GRM2: variants seen among roughly 807,000 people sequenced by gnomAD.
GRM2 encodes the protein glutamate metabotropic receptor 2, also known as metabotropic glutamate receptor 2.
GRM2 carries 35 observed loss-of-function variants against 60.4 expected under a neutral mutation model. The observed-to-expected ratio is 0.58, with a 90% CI of 0.44 to 0.77. GRM2 has a LOEUF of 0.77. Ranked by LOEUF, GRM2 falls within the 30% of genes least tolerant of loss-of-function variation. The probability of loss-of-function intolerance (pLI) is 0.00; values close to 1 mark genes in which losing one functional copy is unlikely to be tolerated. For synonymous variants in GRM2, 437 were observed against 484.1 expected (o/e 0.90, Z 1.28); for missense variants, 925 against 1,199.5 (o/e 0.77, Z 3.38).
chr3:51,708,487 G>C (rs1423056039), intron 1 of GRM2: 1 of 154,292 alleles, frequency 6.5e-6, no homozygotes, highest in Admixed American at 6.4e-5. Context: ...TGTTCCAAAG[G>C]TATTGACCTC....
Position 51,709,297 on chromosome 3 carries a change from T to C in GRM2, c.314T>C (p.Phe105Ser). Reference protein sequence around the residue: ...DTHALEQALDFVRASLSRGAD... With the variant: ...DTHALEQALDSVRASLSRGAD... ...CATGCGCTGGAGCAGGCACTGGACT[T>C]TGTGCGTGCCTCACTCAGCCGTGGT... Residue 105 changes from phenylalanine (F) to serine (S), a missense_variant, in exon 2 of 6, where the codon TTT becomes TCT. Coordinates refer to ENST00000395052, the MANE Select transcript of GRM2 (RefSeq NM_000839.5). The C allele has an allele frequency of 6.2e-7, 1 of 1,603,558 alleles. No homozygotes were observed. The highest frequency in any genetic ancestry group is 8.5e-7 in the Non-Finnish European group (1 of 1,172,398).
Position 51,718,468 on chromosome 3 carries a change from C to G in GRM2, c.*356C>G, listed in dbSNP as rs1338019036. ...GTGCTTCCAGCCCAGCCCCTCCCCC[C>G]AACTAGGGCCTTTTTTATTTTTTAT... On this transcript the variant is annotated 3_prime_UTR_variant, in exon 6 of 6. Transcript: ENST00000395052. The surrounding 1 kb of genome is among the most constrained non-coding windows in gnomAD (Gnocchi z 4.2). 2 of 254,588 alleles carry G rather than the reference C, an allele frequency of 7.9e-6. No homozygotes were observed. Among genetic ancestry groups the G allele is most frequent in the Non-Finnish European group, 7.5e-6 (1 of 133,324 alleles). 15.8% of individuals were successfully genotyped at this position (254,588 alleles called of 1,614,324 possible). A position where few individuals can be genotyped will look rare whatever the true frequency, so the allele number is the denominator to read the frequency against.
chr3:51,709,306 C>A lies in GRM2; in HGVS notation c.323C>A (p.Ala108Asp). The change falls in exon 2 of 6, where the codon GCC becomes GAC. Residue 108 changes from alanine (A) to aspartate (D), a missense_variant. Physicochemically the swap from Ala to Asp is moderately radical, Grantham distance 126 (BLOSUM62 -2). Transcript: ENST00000395052. ...GAGCAGGCACTGGACTTTGTGCGTG[C>A]CTCACTCAGCCGTGGTGCTGATGGC... ...ALEQALDFVRASLSRGADGSR... is the reference protein window; with the variant it reads ...ALEQALDFVRDSLSRGADGSR... 6 of 1,603,016 alleles carry A rather than the reference C, an allele frequency of 3.7e-6. No homozygotes were observed. Among genetic ancestry groups the A allele is most frequent in the Non-Finnish European group, 5.1e-6 (6 of 1,171,936 alleles).
chr3:51,709,218 C>G lies in GRM2; in HGVS notation c.235C>G (p.Leu79Val), dbSNP rs764369500. Reference sequence around the variant, plus strand: ...CCGCATCAACCGTGACCCGCACCTGCTGCCTGGCGTGCGCCTGGGTGCACA... The same window carrying G: ...CCGCATCAACCGTGACCCGCACCTGGTGCCTGGCGTGCGCCTGGGTGCACA... ...LDRINRDPHLLPGVRLGAHIL... is the reference protein window; with the variant it reads ...LDRINRDPHLVPGVRLGAHIL... The change falls in exon 2 of 6, where the codon CTG (leucine) becomes GTG (valine). Residue 79 changes from leucine (L) to valine (V), a missense_variant. Coordinates refer to ENST00000395052, the MANE Select transcript of GRM2 (RefSeq NM_000839.5). 6.2e-7 allele frequency: 1 copy of G among 1,609,646 alleles called. No individual in the cohort carries two copies. Among genetic ancestry groups the G allele is most frequent in the East Asian group, 2.2e-5 (1 of 44,772 alleles).
At chr3:51,709,778 C>A (rs181991006) in intron 2 of GRM2, among the ~76,000 whole-genome samples, 2 of 7,182 alleles carry the variant, frequency 2.8e-4, no homozygotes, top group Non-Finnish European at 6.8e-4. Flanking sequence ...CACACGCACC[C>A]CACACACCCA....
At position 51,713,044 on chromosome 3, in the gene GRM2, G is replaced by A. The variant is rs755817901; in HGVS notation, c.1022G>A (p.Arg341Gln). 1.7e-5 allele frequency: 28 copies of A among 1,613,134 alleles called. No homozygotes were observed. Among genetic ancestry groups the A allele is most frequent in the Middle Eastern group, 3.3e-4 (2 of 6,084 alleles). ...AGCCTGGACCCTTGGAACAACAGCC[G>A]GAACCCCTGGTTCCGTGAATTCTGG... ...FQSLDPWNNS[R>Q]NPWFREFWEQ... Residue 341 changes from arginine to glutamine, a missense_variant, in exon 3 of 6, where the codon CGG (arginine) becomes CAG (glutamine). Arg to Gln is a conservative substitution (Grantham distance 43). Coordinates refer to ENST00000395052, the MANE Select transcript of GRM2 (RefSeq NM_000839.5). This position sits in a 1 kb window ranked among gnomAD's most constrained non-coding sequence, Gnocchi z 4.8.
chr3:51,713,488 G>A lies in GRM2; in HGVS notation c.1288+178G>A, dbSNP rs1703798318. On this transcript the variant is annotated intron_variant, in intron 3 of 5. Transcript: ENST00000395052. This position sits in a 1 kb window ranked among gnomAD's most constrained non-coding sequence, Gnocchi z 4.8. ...CAGAGAGGACTCCAACTGAAGCTAC[G>A]GCTGAGGTTCCACTTTCTTCCAGAG... 3.2e-5 allele frequency: 19 copies of A among 594,620 alleles called. No individual in the cohort carries two copies. The South Asian group carries it at 3.4e-4, about 11-fold the overall frequency. The allele number at this position is 594,620 out of a possible 1,614,324, so 36.8% of individuals were successfully genotyped here.
chr3:51,709,737 G>C (rs1459596835), intron 2 of GRM2, among the ~76,000 whole-genome samples: 1 of 84 alleles, frequency 0.012, no homozygotes, highest in Non-Finnish European at 0.019. Context: ...ACACACACCC[G>C]ACACACCCAC....
At position 51,716,126 on chromosome 3, in the gene GRM2, A is replaced by T; in HGVS notation, c.2353A>T (p.Ser785Cys). ...CCTGCCCATCTTCTATGTCACCTCC[A>T]GTGACTACCGGGTGAGCTACCTGCC... ...AFLPIFYVTS[S>C]DYRVQTTTMC... Residue 785 changes from serine to cysteine, a missense_variant, in exon 4 of 6, where the codon AGT becomes TGT. Transcript: ENST00000395052. The surrounding 1 kb of genome is among the most constrained non-coding windows in gnomAD (Gnocchi z 4.0). 6.2e-7 allele frequency: 1 copy of T among 1,606,314 alleles called. No individual in the cohort carries two copies.
Position 51,712,562 on chromosome 3 carries a change from C to T in GRM2, c.540C>T (p.Tyr180=), listed in dbSNP as rs1417478884. The T allele has an allele frequency of 1.2e-6, 2 of 1,614,186 alleles. No homozygotes were observed. Among genetic ancestry groups the T allele is most frequent in the Non-Finnish European group, 8.5e-7 (1 of 1,180,034 alleles). The change falls in exon 3 of 6, where the codon TAC becomes TAT. Residue 180 remains tyrosine (Y), a synonymous_variant. Transcript: ENST00000395052. The surrounding 1 kb of genome is among the most constrained non-coding windows in gnomAD (Gnocchi z 5.3). ...TGAGTGACAAGTCCCGCTATGACTACTTTGCCCGCACAGTGCCTCCTGACT... is the reference window on the plus strand; with the variant it reads ...TGAGTGACAAGTCCCGCTATGACTATTTTGCCCGCACAGTGCCTCCTGACT... ...AKLSDKSRYD[Y]FARTVPPDFF... is the part of the protein sequence containing the mutation.
rs1703592732 is a variant in GRM2 at position 51,708,865 on chromosome 3, ATCTC to A, written c.-115_-112del. 1.4e-6 allele frequency: 1 copy of A among 732,296 alleles called. No homozygotes were observed. Among genetic ancestry groups the A allele is most frequent in the South Asian group, 2.1e-5 (1 of 46,658 alleles). 45.4% of individuals were successfully genotyped at this position (732,296 alleles called of 1,614,324 possible). A position where few individuals can be genotyped will look rare whatever the true frequency, so the allele number is the denominator to read the frequency against. Reference sequence around the variant, plus strand: ...CTCTGCAGGAGCTGGGTCCCTTCGCATCTCTCTTCTTGTCTGTCCTTTCCTGGTC... The same window carrying A: ...CTCTGCAGGAGCTGGGTCCCTTCGCATCTTCTTGTCTGTCCTTTCCTGGTC... On this transcript the variant is annotated 5_prime_UTR_variant, in exon 2 of 6. Transcript: ENST00000395052.
In GRM2 at chr3:51,715,486, T is replaced by C. The variant is rs989207705; in HGVS notation, c.1713T>C (p.Pro571=). Residue 571 remains proline, a synonymous_variant, in exon 4 of 6, where the codon CCT becomes CCC. Coordinates refer to ENST00000395052, the MANE Select transcript of GRM2 (RefSeq NM_000839.5). The surrounding 1 kb of genome is among the most constrained non-coding windows in gnomAD (Gnocchi z 9.0). The part of the protein sequence containing the change: ...IRWGDAWAVG[P]VTIACLGALA... Reference sequence around the variant, plus strand: ...GGGGCGATGCCTGGGCTGTGGGACCTGTCACCATCGCCTGCCTCGGTGCCC... The same window carrying C: ...GGGGCGATGCCTGGGCTGTGGGACCCGTCACCATCGCCTGCCTCGGTGCCC... 1.9e-6 allele frequency: 3 copies of C among 1,612,884 alleles called. No individual in the cohort carries two copies. In the African/African-American group the frequency reaches 4.0e-5, roughly 22 times the overall value.
intron 1 of GRM2, 115 bp downstream of exon 1, chr3:51,707,282 C>A (rs1703545196): frequency 6.5e-6 from 1 of 152,674 alleles, no homozygotes; most frequent in Non-Finnish European, 1.5e-5. Flanking sequence ...CTGCTGTGTC[C>A]AGACAGCGTT....
At position 51,712,786 on chromosome 3, in the gene GRM2, G is replaced by A. The variant is rs759390511; in HGVS notation, c.764G>A (p.Arg255Gln). The A allele has an allele frequency of 8.7e-6, 14 of 1,612,926 alleles. No individual in the cohort carries two copies. The highest frequency in any genetic ancestry group is 3.3e-5 in the Admixed American group (2 of 59,994). Residue 255 changes from arginine to glutamine, a missense_variant, in exon 3 of 6, where the codon CGA becomes CAA. Coordinates refer to ENST00000395052, the MANE Select transcript of GRM2 (RefSeq NM_000839.5). This position sits in a 1 kb window ranked among gnomAD's most constrained non-coding sequence, Gnocchi z 5.3. ...MSRAAFEGVV[R>Q]ALLQKPSARV... ...CGCGCGGCCTTTGAGGGTGTGGTGC[G>A]AGCCCTGCTGCAGAAGCCCAGTGCC...
At position 51,712,751 on chromosome 3, in the gene GRM2, T is replaced by C. The variant is rs1306010435; in HGVS notation, c.729T>C (p.Arg243=). 1.2e-6 allele frequency: 2 copies of C among 1,613,478 alleles called. No homozygotes were observed. The highest frequency in any genetic ancestry group is 1.7e-6 in the Non-Finnish European group (2 of 1,180,022). The change falls in exon 3 of 6, where the codon CGT becomes CGC. Residue 243 remains arginine (R), a synonymous_variant. Transcript: ENST00000395052. This position sits in a 1 kb window ranked among gnomAD's most constrained non-coding sequence, Gnocchi z 5.3. ...ICVATSEKVG[R]AMSRAAFEGV... ...TGGCCACCTCGGAGAAAGTGGGCCG[T>C]GCCATGAGCCGCGCGGCCTTTGAGG...
Position 51,717,928 on chromosome 3 carries a change from G to T in GRM2, c.2545+111G>T. 1 of 1,400,092 alleles carries T rather than the reference G, an allele frequency of 7.1e-7. No individual in the cohort carries two copies. The highest frequency in any genetic ancestry group is 1.0e-6 in the Non-Finnish European group (1 of 985,852). The allele number at this position is 1,400,092 out of a possible 1,614,324, so 86.7% of individuals were successfully genotyped here. On this transcript the variant is annotated intron_variant, in intron 5 of 5. Coordinates refer to ENST00000395052, the MANE Select transcript of GRM2 (RefSeq NM_000839.5). This position sits in a 1 kb window ranked among gnomAD's most constrained non-coding sequence, Gnocchi z 6.0. Reference sequence around the variant, plus strand: ...GGTGCCCCCCAAATGACACTGGCAGGAGAGGACAGGAGAGGGGAGGGGAGG... The same window carrying T: ...GGTGCCCCCCAAATGACACTGGCAGTAGAGGACAGGAGAGGGGAGGGGAGG...
Position 51,713,481 on chromosome 3 carries a change from A to G in GRM2, c.1288+171A>G. The G allele has an allele frequency of 1.7e-6, 1 of 598,228 alleles. No homozygotes were observed. Among genetic ancestry groups the G allele is most frequent in the Non-Finnish European group, 3.0e-6 (1 of 337,856 alleles). The allele number at this position is 598,228 out of a possible 1,614,324, so 37.1% of individuals were successfully genotyped here. ...TGCTAGGCAGAGAGGACTCCAACTG[A>G]AGCTACGGCTGAGGTTCCACTTTCT... On this transcript the variant is annotated intron_variant, in intron 3 of 5. Transcript: ENST00000395052. The surrounding 1 kb of genome is among the most constrained non-coding windows in gnomAD (Gnocchi z 4.8).
rs113498271 is a variant in GRM2 at position 51,713,744 on chromosome 3, TTTTCTTTC to T, written c.1288+454_1288+461del. On this transcript the variant is annotated intron_variant, in intron 3 of 5. Coordinates refer to ENST00000395052, the MANE Select transcript of GRM2 (RefSeq NM_000839.5). The surrounding 1 kb of genome is among the most constrained non-coding windows in gnomAD (Gnocchi z 4.8). ...GTCTTTCTTTTTTCTTTTCTTTCTTTTTTCTTTCTTTCTTTCTTTCTTTCTTTTCTTAG... is the reference window on the plus strand; with the variant it reads ...GTCTTTCTTTTTTCTTTTCTTTCTTTTTTCTTTCTTTCTTTCTTTTCTTAG... The T allele has an allele frequency of 9.6e-4, 222 of 230,768 alleles. No homozygotes were observed. The highest frequency in any genetic ancestry group is 1.6e-3 in the Non-Finnish European group (178 of 114,498). 14.3% of individuals were successfully genotyped at this position (230,768 alleles called of 1,614,324 possible).
At position 51,717,532 on chromosome 3, in the gene GRM2, T is replaced by C; in HGVS notation, c.2365-105T>C. 1 of 868,226 alleles carries C rather than the reference T, an allele frequency of 1.2e-6. No homozygotes were observed. The highest frequency in any genetic ancestry group is 1.8e-6 in the Non-Finnish European group (1 of 548,460). 53.8% of individuals were successfully genotyped at this position (868,226 alleles called of 1,614,324 possible). ...CGGCAAATGGACCACAGCCCAGTGT[T>C]GGATGCTTAGTCTCCCCCACTCCCT... On this transcript the variant is annotated intron_variant, in intron 4 of 5. Transcript: ENST00000395052. The surrounding 1 kb of genome is among the most constrained non-coding windows in gnomAD (Gnocchi z 6.0).
Sources: gnomAD v4.1 joint callset for allele counts (sites outside exome capture counted in the v4.1 genomes callset) on GRCh38, gnomAD v4.1.1 for gene constraint, Gnocchi (gnomAD v3.1) non-coding constraint, MANE v1.5 for transcripts, NCBI Gene and HGNC (gene_info 2026-07-23, HGNC 2026-07-21) for gene names.